The following ABCA7 variants were observed in gnomAD, a reference collection of about 807,000 sequenced individuals.
ABCA7 encodes phospholipid-transporting ATPase ABCA7.
ABCA7 carries 261 observed loss-of-function variants against 227.6 expected under a neutral mutation model. The ratio of observed to expected loss-of-function variants is 1.15; its 90% CI spans 1.04 to 1.27. The LOEUF is 1.27. ABCA7 is among the 50% of genes most tolerant of loss of function. The pLI is 0.00. For synonymous variants in ABCA7, 1,488 were observed against 1,279.7 expected (o/e 1.16, Z -3.47); for missense variants, 3,331 against 2,924.5 (o/e 1.14, Z -3.21).
intron 12 of ABCA7, 27 bp downstream of exon 12, chr19:1,045,258 T>TG: frequency 7.9e-7 from 1 of 1,269,634 alleles, no homozygotes; most frequent in Non-Finnish European, 1.1e-6. Flanking sequence ...GGCGGGGGGA[T>TG]GAGGGACTGG....
In ABCA7 at chr19:1,055,226, G is replaced by A. The variant is rs1461237405; in HGVS notation, c.4080G>A (p.Pro1360=). ...PGARRLLPDC[P]AAAGGPPPPQ... is the part of the protein sequence containing the mutation. ...CCCGGCGCCTGCTGCCCGACTGCCC[G>A]GCTGCAGCTGGTGGTCCCCCTCCGC... The change falls in exon 30 of 47, where the codon CCG becomes CCA. Residue 1360 remains proline, a synonymous_variant. Coordinates refer to ENST00000263094, the MANE Select transcript of ABCA7 (RefSeq NM_019112.4). The A allele has an allele frequency of 1.1e-5, 17 of 1,606,506 alleles. No individual in the cohort carries two copies. The highest frequency in any genetic ancestry group is 2.7e-5 in the African/African-American group (2 of 74,674).
intron 20 of ABCA7, 28 bp from the exon 21 acceptor site, chr19:1,051,421 A>G: frequency 1.5e-6 from 2 of 1,325,624 alleles, no homozygotes; most frequent in East Asian, 2.4e-5. Context: ...GGTGTGACAC[A>G]CTGAGGTCCC....
At position 1,058,687 on chromosome 19, in the gene ABCA7, A is replaced by C; in HGVS notation, c.5219A>C (p.Gln1740Pro). The change falls in exon 38 of 47, where the codon CAG becomes CCG. Residue 1740 changes from glutamine (Q) to proline (P), a missense_variant. Coordinates refer to ENST00000263094, the MANE Select transcript of ABCA7 (RefSeq NM_019112.4). Reference sequence around the variant, plus strand: ...AAGAACCTCTTGGCCATGGTGATACAGGGGCCCCTCTTCCTTCTCTTCACA... The same window carrying C: ...AAGAACCTCTTGGCCATGGTGATACCGGGGCCCCTCTTCCTTCTCTTCACA... ...VGKNLLAMVI[Q>P]GPLFLLFTLL... 1 of 1,613,968 alleles carries C rather than the reference A, an allele frequency of 6.2e-7. No individual in the cohort carries two copies. Among genetic ancestry groups the C allele is most frequent in the Non-Finnish European group, 8.5e-7 (1 of 1,180,004 alleles).
At chr19:1,055,863 C>G in intron 30 of ABCA7, 44 bp from the exon 31 acceptor site, 1 of 1,529,496 alleles carries the variant, frequency 6.5e-7, no homozygotes, top group African/African-American at 1.4e-5. Context: ...CTCTCTCTGT[C>G]CCACATCCCT....
rs2042309664 is a variant in ABCA7, at chr19:1,056,992, A to G, written c.4672A>G (p.Ile1558Val). The G allele has an allele frequency of 1.2e-6, 2 of 1,613,630 alleles. No individual in the cohort carries two copies. Among genetic ancestry groups the G allele is most frequent in the South Asian group, 1.1e-5 (1 of 91,084 alleles). ...CCCGGCCAGCTTCACTCTTGTCCTC[A>G]TTGAGGAGCGAGTCACCCGAGCCAA... ...FVPASFTLVL[I>V]EERVTRAKHL... The change falls in exon 34 of 47, where the codon ATT becomes GTT. Residue 1558 changes from isoleucine to valine, a missense_variant. Coordinates refer to ENST00000263094, the MANE Select transcript of ABCA7 (RefSeq NM_019112.4). The surrounding 1 kb of genome is among the most constrained non-coding windows in gnomAD (Gnocchi z 4.3).
rs374686104 is a variant in ABCA7, at chr19:1,054,671, C to T, written c.3828C>T (p.Tyr1276=). The T allele has an allele frequency of 3.8e-5, 61 of 1,613,082 alleles. No individual in the cohort carries two copies. The highest frequency in any genetic ancestry group is 1.1e-4 in the African/African-American group (8 of 74,888). ...CTCTGCGGCTCAGTCCCACCATGTA[C>T]GGTGCTCAGGTGTCCTTCTTCAGGT... is the stretch of plus-strand genomic sequence containing the variant. ...YPALRLSPTM[Y]GAQVSFFSED... is the part of the protein sequence containing the mutation. Residue 1276 remains tyrosine (Y), a synonymous_variant, in exon 28 of 47, where the codon TAC becomes TAT. Coordinates refer to ENST00000263094, the MANE Select transcript of ABCA7 (RefSeq NM_019112.4). The surrounding 1 kb of genome is among the most constrained non-coding windows in gnomAD (Gnocchi z 4.8).
chr19:1,050,940 T>A lies in ABCA7; in HGVS notation c.2572T>A (p.Phe858Ile), dbSNP rs1472660411. 6.2e-7 allele frequency: 1 copy of A among 1,609,960 alleles called. No individual in the cohort carries two copies. Among genetic ancestry groups the A allele is most frequent in the South Asian group, 1.1e-5 (1 of 90,652 alleles). Residue 858 changes from phenylalanine to isoleucine, a missense_variant, in exon 19 of 47, where the codon TTC becomes ATC. Transcript: ENST00000263094. The stretch of plus-strand genomic sequence containing the variant: ...CCACAGGTCCATCTTGAGTGGCCTC[T>A]TCCCACCCAGTGGTGGCTCTGCCTT... Reference protein sequence around the residue: ...TTTLSILSGLFPPSGGSAFIL... With the variant: ...TTTLSILSGLIPPSGGSAFIL...
intron 9 of ABCA7, 93 bp from the exon 10 acceptor site, chr19:1,043,632 A>G: frequency 6.7e-7 from 1 of 1,491,546 alleles, no homozygotes; most frequent in Non-Finnish European, 9.3e-7. Context: ...GGAGGATCAG[A>G]GGCACACGCA....
rs2042283226 is a variant in ABCA7, at chr19:1,056,686, G to C, written c.4586+187G>C. On this transcript the variant is annotated intron_variant, in intron 33 of 46. Coordinates refer to ENST00000263094, the MANE Select transcript of ABCA7 (RefSeq NM_019112.4). This position sits in a 1 kb window ranked among gnomAD's most constrained non-coding sequence, Gnocchi z 4.3. ...ACCTCCTCAGACTCAGCGGGCCCCA[G>C]CCTCCCCCACACATCCTCATCCCAC... 2.0e-5 allele frequency among the ~76,000 whole-genome samples: 3 copies of C among 152,086 alleles called. No individual in the cohort carries two copies. Among genetic ancestry groups the C allele is most frequent in the South Asian group, 2.1e-4 (1 of 4,818 alleles).
At position 1,058,689 on chromosome 19, in the gene ABCA7, G is replaced by T; in HGVS notation, c.5221G>T (p.Gly1741Trp). 1 of 1,613,964 alleles carries T rather than the reference G, an allele frequency of 6.2e-7. No homozygotes were observed. Among genetic ancestry groups the T allele is most frequent in the Non-Finnish European group, 8.5e-7 (1 of 1,180,006 alleles). Reference sequence around the variant, plus strand: ...GAACCTCTTGGCCATGGTGATACAGGGGCCCCTCTTCCTTCTCTTCACACT... The same window carrying T: ...GAACCTCTTGGCCATGGTGATACAGTGGCCCCTCTTCCTTCTCTTCACACT... ...GKNLLAMVIQ[G>W]PLFLLFTLLL... Residue 1741 changes from glycine to tryptophan, a missense_variant, in exon 38 of 47, where the codon GGG becomes TGG. Transcript: ENST00000263094.
chr19:1,047,990 A>G (rs1290575244), intron 16 of ABCA7, among the ~76,000 whole-genome samples: 4 of 151,558 alleles, frequency 2.6e-5, no homozygotes, highest in Non-Finnish European at 5.9e-5. Flanking sequence ...GGAGTTTGAG[A>G]CCAGGCTGGG....
chr19:1,049,257 T>C lies in ABCA7; in HGVS notation c.2381-9T>C, dbSNP rs1054708454. On this transcript the variant is annotated splice_polypyrimidine_tract_variant and intron_variant, in intron 17 of 46. Transcript: ENST00000263094. The stretch of plus-strand genomic sequence containing the variant: ...GACCTCCATGGCTGAGTCCACCCCA[T>C]CTCTGCAGTGCTGGTAGAAGAGGCA... 3 of 1,590,052 alleles carry C rather than the reference T, an allele frequency of 1.9e-6. No individual in the cohort carries two copies. The highest frequency in any genetic ancestry group is 2.6e-6 in the Non-Finnish European group (3 of 1,164,432).
intron 42 of ABCA7, among the ~76,000 whole-genome samples, chr19:1,062,906 A>G (rs1443055970): frequency 1.4e-5 from 2 of 138,892 alleles, no homozygotes; most frequent in African/African-American, 5.4e-5. Context: ...CACCCACACC[A>G]TGGCCCCGCC....
chr19:1,055,004 CTG>C, intron 29 of ABCA7, 91 bp from the exon 30 acceptor site: 1 of 1,531,664 alleles, frequency 6.5e-7, no homozygotes. Context: ...CTGGGAGCCT[CTG>C]TGGCTCCAGG....
In ABCA7 at chr19:1,055,334, G is replaced by C; in HGVS notation, c.4188G>C (p.Pro1396=). ...NLSDFLVKTY[P]RLVRQGLKTK... ...CTGACTTCCTGGTCAAGACCTACCCGCGCCTGGTGCGCCAGGGGTGAGCCA... is the reference window on the plus strand; with the variant it reads ...CTGACTTCCTGGTCAAGACCTACCCCCGCCTGGTGCGCCAGGGGTGAGCCA... Residue 1396 remains proline (P), a synonymous_variant, in exon 30 of 47, where the codon CCG becomes CCC. Coordinates refer to ENST00000263094, the MANE Select transcript of ABCA7 (RefSeq NM_019112.4). 1 of 1,589,502 alleles carries C rather than the reference G, an allele frequency of 6.3e-7. No homozygotes were observed. Among genetic ancestry groups the C allele is most frequent in the Non-Finnish European group, 8.5e-7 (1 of 1,170,384 alleles).
rs558930994 is a variant in ABCA7, at chr19:1,045,053, T to A, written c.1267T>A (p.Ser423Thr). 3 of 1,612,802 alleles carry A rather than the reference T, an allele frequency of 1.9e-6. No individual in the cohort carries two copies. In the South Asian group the frequency reaches 3.3e-5, roughly 18 times the overall value. ...EAAPSEAALV[S>T]RALQLLAEHR... ...GGCACCCTCAGAGGCAGCCCTGGTGTCGCGGGCCCTGCAACTGCTCGCGGA... is the reference window on the plus strand; with the variant it reads ...GGCACCCTCAGAGGCAGCCCTGGTGACGCGGGCCCTGCAACTGCTCGCGGA... Residue 423 changes from serine (S) to threonine (T), a missense_variant, in exon 12 of 47, where the codon TCG becomes ACG. Physicochemically the swap from Ser to Thr is moderately conservative, Grantham distance 58. Transcript: ENST00000263094.
At position 1,044,538 on chromosome 19, in the gene ABCA7, T is replaced by C. The variant is rs753949610; in HGVS notation, c.1048-39T>C. On this transcript the variant is annotated intron_variant, in intron 10 of 46. Transcript: ENST00000263094. ...CTGGGATTACAGGCATGAGCCACTG[T>C]GCCCGACCCAGACTCTCACTTTCAC... The C allele has an allele frequency of 3.1e-6, 5 of 1,590,514 alleles. No individual in the cohort carries two copies. The African/African-American group carries it at 4.0e-5, about 13-fold the overall frequency.
Position 1,049,353 on chromosome 19 carries a change from C to A in ABCA7, c.2468C>A (p.Ala823Asp). ...CGCTTTCCTGGAAGCCCGCAGCCAG[C>A]CCTGCGGGGGCTCAGCCTGGACTTC... ...EKRFPGSPQP[A>D]LRGLSLDFYQ... Residue 823 changes from alanine to aspartate, a missense_variant, in exon 18 of 47, where the codon GCC becomes GAC. Ala to Asp is a moderately radical substitution (Grantham distance 126). Transcript: ENST00000263094. 1 of 1,611,620 alleles carries A rather than the reference C, an allele frequency of 6.2e-7. No individual in the cohort carries two copies. Among genetic ancestry groups the A allele is most frequent in the Non-Finnish European group, 8.5e-7 (1 of 1,179,266 alleles).
At chr19:1,057,545 G>A (rs1599697839) in intron 35 of ABCA7, 116 bp downstream of exon 35, 1 of 1,056,220 alleles carries the variant, frequency 9.5e-7, no homozygotes, top group African/African-American at 1.6e-5. Context: ...GGAGGTCTGA[G>A]GTGATGCCGT....
Sources: gnomAD v4.1 joint callset for allele counts (sites outside exome capture counted in the v4.1 genomes callset) on GRCh38, gnomAD v4.1.1 for gene constraint, Gnocchi (gnomAD v3.1) non-coding constraint, MANE v1.5 for transcripts, NCBI Gene and HGNC (gene_info 2026-07-23, HGNC 2026-07-21) for gene names.